Variants in GALNT1 observed in about 807,000 individuals in gnomAD.
GALNT1 encodes polypeptide N-acetylgalactosaminyltransferase 1.
GALNT1 carries 17 observed loss-of-function variants against 65.7 expected under a neutral mutation model. That is an observed-to-expected ratio of 0.26 (90% CI 0.18 to 0.39). The LOEUF is 0.39. GALNT1 is among the 10% of genes least tolerant of loss of function. The pLI is 1.00. For synonymous variants in GALNT1, 210 were observed against 219.7 expected (o/e 0.96, Z 0.39); for missense variants, 460 against 672.8 (o/e 0.68, Z 3.50).
chr18:35,703,777 C>G (rs1598813148), intron 11 of GALNT1, 134 bp downstream of exon 11: 1 of 808,456 alleles, frequency 1.2e-6, no homozygotes, highest in Non-Finnish European at 1.8e-6. Context: ...TAAATATTGA[C>G]AGGCGGGAAA....
chr18:35,685,935 G>A (rs1442987771), intron 5 of GALNT1, among the ~76,000 whole-genome samples: 2 of 152,112 alleles, frequency 1.3e-5, no homozygotes, highest in Non-Finnish European at 2.9e-5. Flanking sequence ...AGTCGTGGTG[G>A]TGCATGCCTA....
Position 35,649,169 on chromosome 18 carries a change from T to C in GALNT1, c.-103-5391T>C, listed in dbSNP as rs563177336. Among the ~76,000 whole-genome samples the C allele has an allele frequency of 5.9e-3, 900 of 152,326 alleles. 4 individuals are homozygous for C. The highest frequency in any genetic ancestry group is 0.021 in the South Asian group (102 of 4,828). ...TCCAGAGAGGCTGTACCATTTTGCA[T>C]TCCCACTGGCACCGTATTAGAGTTC... On this transcript the variant is annotated intron_variant, in intron 1 of 11. Transcript: ENST00000269195.
At position 35,666,944 on chromosome 18, in the gene GALNT1, TA is replaced by T. The variant is rs1016001564; in HGVS notation, c.314+3153del. Among the ~76,000 whole-genome samples, 241 of 147,426 alleles carry T rather than the reference TA, an allele frequency of 1.6e-3. 1 individual carries two copies. Among genetic ancestry groups the T allele is most frequent in the Non-Finnish European group, 2.1e-3 (142 of 66,646 alleles). ...CTATCTCTGGACTGATAACCTTTTTTAAAAAAAAAAAGTTTTAGAAGACTTT... is the reference window on the plus strand; with the variant it reads ...CTATCTCTGGACTGATAACCTTTTTTAAAAAAAAAAGTTTTAGAAGACTTT... On this transcript the variant is annotated intron_variant, in intron 3 of 11. Transcript: ENST00000269195.
At chr18:35,701,070 ACTT>A (rs902991100) in intron 9 of GALNT1, among the ~76,000 whole-genome samples, 14 of 151,738 alleles carry the variant, frequency 9.2e-5, no homozygotes, top group Non-Finnish European at 1.6e-4. Flanking sequence ...CACAATATGA[ACTT>A]TTTTTTTTTT....
chr18:35,586,819 T>C (rs1232461009), intron 1 of GALNT1, among the ~76,000 whole-genome samples: 3 of 152,222 alleles, frequency 2.0e-5, no homozygotes, highest in Non-Finnish European at 4.4e-5. Flanking sequence ...CTAGTTCCTT[T>C]GCTTTTCCTT....
At chr18:35,614,935 A>C (rs554259015) in intron 1 of GALNT1, among the ~76,000 whole-genome samples, 1 of 152,232 alleles carries the variant, frequency 6.6e-6, no homozygotes, top group South Asian at 2.1e-4. Context: ...AGGTATAGAA[A>C]TATATCGAAG....
At chr18:35,673,156 T>C (rs1245439151) in intron 3 of GALNT1, among the ~76,000 whole-genome samples, 1 of 152,104 alleles carries the variant, frequency 6.6e-6, no homozygotes, top group Non-Finnish European at 1.5e-5. Flanking sequence ...AGATATTGAG[T>C]TGTCATTGAT....
chr18:35,632,079 G>A (rs2047021162), intron 1 of GALNT1, among the ~76,000 whole-genome samples: 1 of 152,196 alleles, frequency 6.6e-6, no homozygotes, highest in Non-Finnish European at 1.5e-5. Flanking sequence ...AACATTCCAT[G>A]CTCATGGATA....
At chr18:35,674,982 CAAAAAAAAAAA>C (rs150477892) in intron 3 of GALNT1, among the ~76,000 whole-genome samples, 5 of 30,330 alleles carry the variant, frequency 1.6e-4, no homozygotes, top group Non-Finnish European at 2.1e-4. Context: ...GACTCCGTCT[CAAAAAAAAAAA>C]AAAAAAAAAA....
intron 1 of GALNT1, among the ~76,000 whole-genome samples, chr18:35,632,532 C>T (rs1475351173): frequency 6.6e-6 from 1 of 152,180 alleles, no homozygotes; most frequent in Non-Finnish European, 1.5e-5. Flanking sequence ...TTCCTTATAC[C>T]TTATACAAAA....
intron 1 of GALNT1, among the ~76,000 whole-genome samples, chr18:35,619,115 A>G (rs543655129): frequency 6.6e-6 from 1 of 152,350 alleles, no homozygotes; most frequent in African/African-American, 2.4e-5. Flanking sequence ...AGTGTGTGGT[A>G]CCTGCGATAA....
At chr18:35,585,463 G>A (rs764200837) in intron 1 of GALNT1, among the ~76,000 whole-genome samples, 10 of 152,168 alleles carry the variant, frequency 6.6e-5, no homozygotes, top group Non-Finnish European at 1.2e-4. Context: ...TTATATCTGT[G>A]TGTCCTCATT....
chr18:35,652,962 A>G (rs554836810), intron 1 of GALNT1, among the ~76,000 whole-genome samples: 2 of 152,264 alleles, frequency 1.3e-5, no homozygotes, highest in South Asian at 4.1e-4. Flanking sequence ...GCCAGTGATC[A>G]AAAGAGGCAG....
At chr18:35,628,157 C>T (rs551761678) in intron 1 of GALNT1, among the ~76,000 whole-genome samples, 3 of 152,308 alleles carry the variant, frequency 2.0e-5, no homozygotes, top group African/African-American at 7.2e-5. Flanking sequence ...CATAGCCGAA[C>T]AAAAGGCAGC....
At chr18:35,597,184 C>G in intron 1 of GALNT1, 1 of 152,182 alleles carries the variant, frequency 6.6e-6, no homozygotes, top group East Asian at 1.9e-4. Flanking sequence ...ATTTAAGAGT[C>G]CTGGAGAAAG....
At chr18:35,640,037 A>G (rs570893768) in intron 1 of GALNT1, among the ~76,000 whole-genome samples, 3 of 152,266 alleles carry the variant, frequency 2.0e-5, no homozygotes, top group South Asian at 4.1e-4. Flanking sequence ...ACCTCAGGTG[A>G]TCCCCCCACC....
In GALNT1 at chr18:35,634,171, C is replaced by T. The variant is rs560058470; in HGVS notation, c.-103-20389C>T. 3.9e-5 allele frequency among the ~76,000 whole-genome samples: 6 copies of T among 152,172 alleles called. No homozygotes were observed. The East Asian group carries it at 9.6e-4, about 24-fold the overall frequency. The stretch of plus-strand genomic sequence containing the variant: ...CATGTATGAGTGTGTTGTTCATTTT[C>T]TCATTTAGTTTAGTGCAATGGGGCT... On this transcript the variant is annotated intron_variant, in intron 1 of 11. Transcript: ENST00000269195.
chr18:35,696,117 A>G (rs12327120), intron 9 of GALNT1, among the ~76,000 whole-genome samples: 18,845 of 152,210 alleles, frequency 0.12, 1,680 homozygotes, highest in African/African-American at 0.25. Context: ...TATTAACTTA[A>G]CAGCTGGCCT....
At chr18:35,672,973 G>A (rs1389358804) in intron 3 of GALNT1, among the ~76,000 whole-genome samples, 4 of 152,164 alleles carry the variant, frequency 2.6e-5, no homozygotes, top group Admixed American at 2.0e-4. Context: ...AGTAAGTGAC[G>A]CAAGTGAAAT....
Sources: allele counts gnomAD v4.1 joint callset (sites outside exome capture counted in the v4.1 genomes callset), GRCh38; gene constraint gnomAD v4.1.1; transcripts MANE v1.5; gene names NCBI Gene and HGNC (gene_info 2026-07-23, HGNC 2026-07-21).